PCDH15: variants seen among roughly 807,000 people sequenced by gnomAD.
The protein encoded by PCDH15 is protocadherin-15.
In PCDH15, 129 loss-of-function variants were observed where a neutral mutation model predicts 178.5. That is an observed-to-expected ratio of 0.72 (90% CI 0.63 to 0.84). The LOEUF is 0.84. Ranked by LOEUF, PCDH15 falls within the 40% of genes least tolerant of loss-of-function variation. The pLI is 0.00. For synonymous variants in PCDH15, 800 were observed against 732.0 expected (o/e 1.09, Z -1.50); for missense variants, 2,230 against 2,099.9 (o/e 1.06, Z -1.21).
intron 2 of PCDH15, among the ~76,000 whole-genome samples, chr10:55,432,537 G>A (rs949179842): frequency 2.0e-5 from 3 of 152,126 alleles, no homozygotes; most frequent in Non-Finnish European, 4.4e-5. Context: ...GAGAACAATA[G>A]TGACTTGGGA....
chr10:54,522,153 G>A (rs1208708141), intron 3 of PCDH15, among the ~76,000 whole-genome samples: 1 of 148,936 alleles, frequency 6.7e-6, no homozygotes, highest in Non-Finnish European at 1.5e-5. Flanking sequence ...TCTACACACA[G>A]TTGTGAATTT....
intron 25 of PCDH15, among the ~76,000 whole-genome samples, chr10:53,910,961 GA>G (rs1420717806): frequency 7.2e-5 from 11 of 151,892 alleles, no homozygotes; most frequent in Non-Finnish European, 1.2e-4. Context: ...GAAGTTTAGA[GA>G]AAAAAAGAGT....
At chr10:55,125,191 GTGT>G in intron 2 of PCDH15, among the ~76,000 whole-genome samples, 1 of 151,334 alleles carries the variant, frequency 6.6e-6, no homozygotes, top group South Asian at 2.1e-4. Flanking sequence ...GTGTGTGTGT[GTGT>G]AAGTTTAACA....
chr10:54,064,476 C>G (rs2094098294), intron 18 of PCDH15, among the ~76,000 whole-genome samples: 1 of 152,182 alleles, frequency 6.6e-6, no homozygotes, highest in Admixed American at 6.5e-5. Flanking sequence ...TGGGGCTTCA[C>G]CAGGGACACC....
intron 37 of PCDH15, among the ~76,000 whole-genome samples, chr10:53,809,827 A>G (rs1354038007): frequency 6.6e-6 from 1 of 152,222 alleles, no homozygotes; most frequent in African/African-American, 2.4e-5. Context: ...TCAAATAAAA[A>G]AGAAAGAATT....
intron 2 of PCDH15, among the ~76,000 whole-genome samples, chr10:55,064,826 A>AGT (rs2132003768): frequency 6.6e-6 from 1 of 152,236 alleles, no homozygotes; most frequent in South Asian, 2.1e-4. Flanking sequence ...TTTAACTGTG[A>AGT]GTGAAAATAA....
intron 2 of PCDH15, among the ~76,000 whole-genome samples, chr10:55,564,014 T>C (rs1842251896): frequency 6.6e-6 from 1 of 151,866 alleles, no homozygotes; most frequent in Non-Finnish European, 1.5e-5. Flanking sequence ...GCATGGACAA[T>C]ATAAAAGCTA....
intron 2 of PCDH15, among the ~76,000 whole-genome samples, chr10:55,597,914 T>G (rs1302923446): frequency 1.3e-5 from 2 of 152,172 alleles, no homozygotes; most frequent in Non-Finnish European, 2.9e-5. Flanking sequence ...GGCCTTTTTA[T>G]GAATTCTCAG....
chr10:55,340,942 A>C (rs1844540625), intron 2 of PCDH15, among the ~76,000 whole-genome samples: 1 of 151,968 alleles, frequency 6.6e-6, no homozygotes, highest in Non-Finnish European at 1.5e-5. Context: ...AATTTGTCAA[A>C]ATACCCCAGG....
At chr10:54,203,581 G>A (rs1030986258) in intron 10 of PCDH15, among the ~76,000 whole-genome samples, 6 of 152,144 alleles carry the variant, frequency 3.9e-5, no homozygotes, top group South Asian at 4.1e-4. Context: ...GGCAGATAAT[G>A]ACAACATTCT....
chr10:54,799,237 T>A (rs1361871678), intron 1 of PCDH15, among the ~76,000 whole-genome samples: 10 of 152,080 alleles, frequency 6.6e-5, no homozygotes, highest in Non-Finnish European at 2.9e-5. Context: ...ATAAAAACAA[T>A]TTATGTCTGC....
intron 37 of PCDH15, 22 bp from the exon 38 acceptor site, chr10:53,807,152 T>A: frequency 6.5e-7 from 1 of 1,538,774 alleles, no homozygotes; most frequent in Non-Finnish European, 8.8e-7. Context: ...AACAAAAATA[T>A]GTGAGTCACT....
chr10:54,778,294 C>A (rs1949922436), intron 1 of PCDH15, among the ~76,000 whole-genome samples: 1 of 152,102 alleles, frequency 6.6e-6, no homozygotes, highest in South Asian at 2.1e-4. Flanking sequence ...TGTTGAGAGA[C>A]ACATTTTGTG....
intron 3 of PCDH15, among the ~76,000 whole-genome samples, chr10:54,448,581 C>T (rs1367349964): frequency 6.6e-6 from 1 of 151,456 alleles, no homozygotes; most frequent in Admixed American, 6.6e-5. Context: ...TTGTTGGAAA[C>T]CATAATCAGA....
intron 2 of PCDH15, among the ~76,000 whole-genome samples, chr10:55,021,096 GTTC>G (rs1840316253): frequency 2.6e-5 from 4 of 152,180 alleles, no homozygotes; most frequent in Admixed American, 2.6e-4. Context: ...TCCCAGGTGT[GTTC>G]TTAACTTCGG....
intron 2 of PCDH15, among the ~76,000 whole-genome samples, chr10:54,622,825 A>G (rs2093430365): frequency 7.8e-6 from 1 of 128,442 alleles, no homozygotes; most frequent in African/African-American, 2.9e-5. Flanking sequence ...CCTGTACACT[A>G]TCTCTCGTGT....
intron 3 of PCDH15, among the ~76,000 whole-genome samples, chr10:54,867,396 G>T (rs969653746): frequency 6.6e-6 from 1 of 152,024 alleles, no homozygotes; most frequent in African/African-American, 2.4e-5. Context: ...TGCAATAAAT[G>T]CATCCTAATT....
chr10:55,022,772 G>A (rs1195884022), intron 2 of PCDH15, among the ~76,000 whole-genome samples: 6 of 136,076 alleles, frequency 4.4e-5, no homozygotes, highest in East Asian at 2.2e-4. Flanking sequence ...GTGCAGTGGC[G>A]CGATCTCGGC....
In PCDH15 at chr10:54,375,790, A is replaced by AAT. The variant is rs202019333; in HGVS notation, c.318+2990_318+2991dup. 2.6e-4 allele frequency among the ~76,000 whole-genome samples: 30 copies of AAT among 114,662 alleles called. No individual in the cohort carries two copies. In the East Asian group the frequency reaches 4.8e-3, roughly 18 times the overall value. The allele number at this position is 114,662 out of a possible 152,430, so 75.2% of individuals were successfully genotyped here. On this transcript the variant is annotated intron_variant, in intron 4 of 37. Transcript: ENST00000644397. ...GCATATATATATATATTTGAAATGG[A>AAT]ATATATATATATAATATATAAATAA... is the stretch of plus-strand genomic sequence containing the variant.
Sources: allele counts gnomAD v4.1 joint callset (sites outside exome capture counted in the v4.1 genomes callset), GRCh38; gene constraint gnomAD v4.1.1; transcripts MANE v1.5; gene names NCBI Gene and HGNC (gene_info 2026-07-23, HGNC 2026-07-21).